The following CCNJL variants were observed in gnomAD, a reference collection of about 807,000 sequenced individuals.
CCNJL encodes cyclin J like, also known as cyclin-J-like protein.
CCNJL carries 33 observed loss-of-function variants against 33.4 expected under a neutral mutation model. The observed-to-expected ratio is 0.99, with a 90% CI of 0.75 to 1.32. CCNJL has a LOEUF of 1.32. CCNJL is among the 40% of genes most tolerant of loss of function. The pLI, the probability that CCNJL is intolerant of heterozygous loss-of-function variation, is 0.00. For synonymous variants in CCNJL, 227 were observed against 220.9 expected (o/e 1.03, Z -0.24); for missense variants, 512 against 499.7 (o/e 1.02, Z -0.23).
intron 2 of CCNJL, among the ~76,000 whole-genome samples, chr5:160,305,410 G>A (rs922982763): frequency 1.3e-5 from 2 of 152,166 alleles, no homozygotes; most frequent in East Asian, 3.9e-4. Flanking sequence ...TCACTTTGAG[G>A]GGAGAGGCAC....
chr5:160,278,529 A>G (rs1762093839), intron 3 of CCNJL, among the ~76,000 whole-genome samples: 1 of 152,164 alleles, frequency 6.6e-6, no homozygotes, highest in Non-Finnish European at 1.5e-5. Context: ...TCTCTGCAGC[A>G]TATGGCAGGT....
chr5:160,260,996 CAA>C (rs1361309216), intron 3 of CCNJL: 1 of 152,318 alleles, frequency 6.6e-6, no homozygotes, highest in African/African-American at 2.4e-5. Context: ...AAGTAAATGC[CAA>C]AAGAGGCATT....
At chr5:160,326,005 C>T (rs991246287) in intron 1 of CCNJL, among the ~76,000 whole-genome samples, 1 of 152,254 alleles carries the variant, frequency 6.6e-6, no homozygotes, top group African/African-American at 2.4e-5. Flanking sequence ...AAAAAGTTTG[C>T]CAACTCCTGC....
At chr5:160,260,067 G>A (rs1478496245) in intron 3 of CCNJL, among the ~76,000 whole-genome samples, 2 of 152,208 alleles carry the variant, frequency 1.3e-5, no homozygotes, top group Admixed American at 1.3e-4. Flanking sequence ...GAGTCAATGG[G>A]AAAATGCAAA....
At chr5:160,263,889 TC>T (rs540671395) in intron 3 of CCNJL, among the ~76,000 whole-genome samples, 7 of 152,198 alleles carry the variant, frequency 4.6e-5, no homozygotes, top group Admixed American at 3.9e-4. Flanking sequence ...TCTACATTTT[TC>T]TTTTTGATGT....
At chr5:160,295,436 C>G (rs930054066) in intron 2 of CCNJL, among the ~76,000 whole-genome samples, 1 of 152,100 alleles carries the variant, frequency 6.6e-6, no homozygotes, top group East Asian at 1.9e-4. Flanking sequence ...TGTAGTGAGC[C>G]GAGATCGCGC....
chr5:160,296,295 G>T (rs1017625069), intron 2 of CCNJL, among the ~76,000 whole-genome samples: 1 of 152,180 alleles, frequency 6.6e-6, no homozygotes, highest in Admixed American at 6.5e-5. Context: ...CACTTACAGG[G>T]CAGAGGGAGT....
intron 4 of CCNJL, chr5:160,258,270 T>C: frequency 1.4e-6 from 1 of 714,720 alleles, no homozygotes; most frequent in Middle Eastern, 3.2e-4. Flanking sequence ...GCAAGAAGGC[T>C]GTTGCAGCAT....
chr5:160,338,484 G>C (rs1054886259), intron 1 of CCNJL, among the ~76,000 whole-genome samples: 1 of 151,418 alleles, frequency 6.6e-6, no homozygotes, highest in Admixed American at 6.6e-5. Context: ...TGTCCCCTTG[G>C]TTTGTAAACT....
intron 1 of CCNJL, among the ~76,000 whole-genome samples, chr5:160,318,336 C>T (rs371386663): frequency 1.2e-3 from 179 of 152,246 alleles, no homozygotes; most frequent in African/African-American, 4.1e-3. Flanking sequence ...TACAAGGACA[C>T]CGGTCATATT....
chr5:160,320,847 TTCCTTCTTTCTTTCTTTCTTTC>T (rs1763438802), intron 1 of CCNJL, among the ~76,000 whole-genome samples: 1 of 65,270 alleles, frequency 1.5e-5, no homozygotes, highest in Non-Finnish European at 3.8e-5. Context: ...CTTTCTTTCT[TTCCTTCTTTCTTTCTTTCTTTC>T]TCTCTTTCTT....
At chr5:160,265,389 G>C (rs899488519) in intron 3 of CCNJL, among the ~76,000 whole-genome samples, 5 of 152,116 alleles carry the variant, frequency 3.3e-5, no homozygotes, top group Non-Finnish European at 7.4e-5. Flanking sequence ...TGTAATCCCA[G>C]CACTTTGGGA....
At chr5:160,277,332 T>C (rs1762048995) in intron 3 of CCNJL, among the ~76,000 whole-genome samples, 1 of 152,304 alleles carries the variant, frequency 6.6e-6, no homozygotes, top group Non-Finnish European at 1.5e-5. Flanking sequence ...GTGATGCCGA[T>C]GATTCAGGGG....
At position 160,284,716 on chromosome 5, in the gene CCNJL, T is replaced by G. The variant is rs537283978; in HGVS notation, c.67-3978A>C. Among the ~76,000 whole-genome samples the G allele has an allele frequency of 1.1e-3, 170 of 152,362 alleles. 1 individual carries two copies. Among genetic ancestry groups the G allele is most frequent in the Non-Finnish European group, 2.1e-3 (144 of 68,026 alleles). On this transcript the variant is annotated intron_variant, in intron 2 of 5. Transcript: ENST00000257536. ...GCTATTTTTCGCAGTCCTAGAGCTTTGCTCATGGAAGGCTCTCAAAGCCTG... is the reference window on the plus strand; with the variant it reads ...GCTATTTTTCGCAGTCCTAGAGCTTGGCTCATGGAAGGCTCTCAAAGCCTG...
chr5:160,326,486 C>CAA (rs11461365), intron 1 of CCNJL, among the ~76,000 whole-genome samples: 5,932 of 54,716 alleles, frequency 0.11, 559 homozygotes, highest in East Asian at 0.18. Flanking sequence ...ACTCTGTCTC[C>CAA]AAAAAAAAAA....
intron 3 of CCNJL, among the ~76,000 whole-genome samples, chr5:160,263,940 CCT>C (rs1330666640): frequency 1.3e-5 from 2 of 150,458 alleles, no homozygotes; most frequent in Non-Finnish European, 3.0e-5. Flanking sequence ...GCCCTATCAA[CCT>C]CTTTTTTTTT....
chr5:160,329,751 C>T (rs920659638), intron 1 of CCNJL, among the ~76,000 whole-genome samples: 62 of 152,330 alleles, frequency 4.1e-4, no homozygotes, highest in African/African-American at 1.3e-3. Context: ...AAGCCCACCA[C>T]CTCTGCTCAG....
At chr5:160,290,144 C>T (rs1056389770) in intron 2 of CCNJL, among the ~76,000 whole-genome samples, 2 of 152,178 alleles carry the variant, frequency 1.3e-5, no homozygotes, top group Admixed American at 6.5e-5. Context: ...GTGAAGTCCT[C>T]GGTTTAACTT....
intron 1 of CCNJL, among the ~76,000 whole-genome samples, chr5:160,333,805 G>C (rs1763642357): frequency 6.6e-6 from 1 of 152,024 alleles, no homozygotes; most frequent in South Asian, 2.1e-4. Flanking sequence ...CATCAGACTA[G>C]TCCATCTTGC....
Sources: allele counts gnomAD v4.1 joint callset (sites outside exome capture counted in the v4.1 genomes callset), GRCh38; gene constraint gnomAD v4.1.1; transcripts MANE v1.5; gene names NCBI Gene and HGNC (gene_info 2026-07-23, HGNC 2026-07-21).